Variants in KCNJ6 observed in about 807,000 individuals in gnomAD.
KCNJ6 encodes the protein G protein-activated inward rectifier potassium channel 2.
A neutral mutation model predicts 34.2 loss-of-function variants in KCNJ6; 9 were observed. The ratio of observed to expected loss-of-function variants is 0.26; its 90% CI spans 0.16 to 0.46. KCNJ6 has a LOEUF of 0.46. Ranked by LOEUF, KCNJ6 falls within the 20% of genes least tolerant of loss-of-function variation. The pLI is 1.00. For synonymous variants in KCNJ6, 196 were observed against 207.1 expected (o/e 0.95, Z 0.46); for missense variants, 236 against 531.3 (o/e 0.44, Z 5.46).
chr21:37,778,170 G>A (rs569966490), intron 2 of KCNJ6, among the ~76,000 whole-genome samples: 7 of 152,192 alleles, frequency 4.6e-5, no homozygotes, highest in African/African-American at 9.6e-5. Flanking sequence ...GCTATCTAGG[G>A]GCATCTACTG....
chr21:37,676,868 G>A (rs919682756), intron 3 of KCNJ6, among the ~76,000 whole-genome samples: 2 of 152,252 alleles, frequency 1.3e-5, no homozygotes, highest in Non-Finnish European at 2.9e-5. Context: ...GAGGAACCAC[G>A]AGAGAAAGCA....
chr21:37,740,318 G>A (rs536154194), intron 2 of KCNJ6, among the ~76,000 whole-genome samples: 6 of 152,074 alleles, frequency 3.9e-5, no homozygotes, highest in South Asian at 4.1e-4. Context: ...GATAAGAATC[G>A]GTTACAATCT....
chr21:37,688,410 CTA>C (rs1437794518), intron 3 of KCNJ6, among the ~76,000 whole-genome samples: 1 of 151,322 alleles, frequency 6.6e-6, no homozygotes, highest in Non-Finnish European at 1.5e-5. Context: ...AGATTCTATG[CTA>C]TGTTTTTTTT....
At chr21:37,870,458 T>C (rs989702217) in intron 1 of KCNJ6, among the ~76,000 whole-genome samples, 2 of 152,160 alleles carry the variant, frequency 1.3e-5, no homozygotes, top group Non-Finnish European at 2.9e-5. Flanking sequence ...CATCCCAGAA[T>C]TGCCTCTTGG....
At chr21:37,797,368 A>T (rs1427161401) in intron 2 of KCNJ6, among the ~76,000 whole-genome samples, 3 of 152,168 alleles carry the variant, frequency 2.0e-5, no homozygotes, top group Non-Finnish European at 4.4e-5. Context: ...GTCTTTTTGT[A>T]GTTACCATGC....
intron 3 of KCNJ6, among the ~76,000 whole-genome samples, chr21:37,684,791 A>G (rs545312372): frequency 6.6e-6 from 1 of 152,336 alleles, no homozygotes; most frequent in East Asian, 1.9e-4. Flanking sequence ...AGCGGGGTCA[A>G]AGATCTCAGT....
intron 1 of KCNJ6, among the ~76,000 whole-genome samples, chr21:37,879,300 G>A (rs942135751): frequency 5.3e-5 from 8 of 152,122 alleles, no homozygotes; most frequent in African/African-American, 1.2e-4. Context: ...AGGGAAAGGT[G>A]GTGTGAAATG....
chr21:37,902,649 T>C (rs957023104), intron 1 of KCNJ6, among the ~76,000 whole-genome samples: 12 of 152,170 alleles, frequency 7.9e-5, no homozygotes, highest in Admixed American at 2.6e-4. Flanking sequence ...CTGACCCTCG[T>C]TGGCAAAGAA....
intron 2 of KCNJ6, among the ~76,000 whole-genome samples, chr21:37,788,038 T>C (rs955332458): frequency 2.0e-5 from 3 of 152,210 alleles, no homozygotes; most frequent in Non-Finnish European, 4.4e-5. Context: ...CAAGTACCTA[T>C]TGTGTGCAAA....
intron 1 of KCNJ6, among the ~76,000 whole-genome samples, chr21:37,870,875 G>A (rs1205466855): frequency 6.6e-6 from 1 of 152,114 alleles, no homozygotes; most frequent in Admixed American, 6.5e-5. Flanking sequence ...CTGTAGCTTG[G>A]CCTGACTACT....
intron 2 of KCNJ6, among the ~76,000 whole-genome samples, chr21:37,766,695 T>C (rs186467700): frequency 5.3e-5 from 8 of 152,212 alleles, no homozygotes; most frequent in Non-Finnish European, 1.2e-4. Flanking sequence ...AAACGATCAC[T>C]GAATCTAGAC....
intron 1 of KCNJ6, among the ~76,000 whole-genome samples, chr21:37,861,256 T>G (rs2055593542): frequency 1.3e-5 from 2 of 152,220 alleles, no homozygotes; most frequent in Non-Finnish European, 2.9e-5. Context: ...CTCAAAGTTC[T>G]GGAGGCTGGA....
chr21:37,739,409 A>G (rs2054928649), intron 2 of KCNJ6, among the ~76,000 whole-genome samples: 1 of 152,214 alleles, frequency 6.6e-6, no homozygotes, highest in Non-Finnish European at 1.5e-5. Flanking sequence ...GGCTTAAGTC[A>G]GAAGAAAAGG....
At chr21:37,666,815 C>A (rs904024877) in intron 3 of KCNJ6, among the ~76,000 whole-genome samples, 1 of 151,902 alleles carries the variant, frequency 6.6e-6, no homozygotes, top group African/African-American at 2.4e-5. Flanking sequence ...AAGAAAAATT[C>A]TTCTGCCTTG....
At chr21:37,833,061 C>T (rs1366476649) in intron 2 of KCNJ6, among the ~76,000 whole-genome samples, 1 of 151,880 alleles carries the variant, frequency 6.6e-6, no homozygotes, top group Non-Finnish European at 1.5e-5. Context: ...GTTGCCCAGG[C>T]TGGAGTGCAA....
intron 3 of KCNJ6, among the ~76,000 whole-genome samples, chr21:37,685,825 T>G (rs1181259087): frequency 2.0e-5 from 3 of 150,592 alleles, no homozygotes; most frequent in African/African-American, 7.3e-5. Flanking sequence ...GTCCATCAAA[T>G]AAAGTATTAT....
chr21:37,724,033 G>A (rs570690633), intron 2 of KCNJ6, among the ~76,000 whole-genome samples: 2 of 152,168 alleles, frequency 1.3e-5, no homozygotes, highest in Non-Finnish European at 2.9e-5. Context: ...CTGCTGGTAT[G>A]CGGTGTGCGT....
chr21:37,832,374 C>T (rs1227933794), intron 2 of KCNJ6, among the ~76,000 whole-genome samples: 3 of 151,942 alleles, frequency 2.0e-5, no homozygotes, highest in Non-Finnish European at 4.4e-5. Context: ...ATACGATGAA[C>T]AGCTCTGCCC....
chr21:37,715,927 G>A (rs113248959), intron 2 of KCNJ6, among the ~76,000 whole-genome samples: 2,037 of 152,302 alleles, frequency 0.013, 31 homozygotes, highest in African/African-American at 0.04. Context: ...TATTATGGCA[G>A]CCTGAACTGA....
Sources: allele counts gnomAD v4.1 joint callset (sites outside exome capture counted in the v4.1 genomes callset), GRCh38; gene constraint gnomAD v4.1.1; transcripts MANE v1.5; gene names NCBI Gene and HGNC (gene_info 2026-07-23, HGNC 2026-07-21).